TBC1D19: variants seen among roughly 807,000 people sequenced by gnomAD.
The protein encoded by TBC1D19 is TBC1 domain family member 19.
In TBC1D19, 60 loss-of-function variants were observed where a neutral mutation model predicts 89.0. The ratio of observed to expected loss-of-function variants is 0.67; its 90% CI spans 0.55 to 0.84. The LOEUF is 0.84. Ranked by LOEUF, TBC1D19 falls within the 40% of genes least tolerant of loss-of-function variation. The pLI, the probability that TBC1D19 is intolerant of heterozygous loss-of-function variation, is 0.00. For synonymous variants in TBC1D19, 189 were observed against 199.7 expected, an observed-to-expected ratio of 0.95 and a Z score of 0.45; for missense variants, 500 against 610.8, an observed-to-expected ratio of 0.82 and a Z score of 1.91.
intron 1 of TBC1D19, among the ~76,000 whole-genome samples, chr4:26,590,796 G>GTTTTTTTTTT (rs869124166): frequency 0.019 from 986 of 52,834 alleles, 116 homozygotes; most frequent in Middle Eastern, 0.065. Flanking sequence ...TTGCAGGTCT[G>GTTTTTTTTTT]TTTTTTTTTT....
chr4:26,840,119 T>A, the TBC1D19 span, among the ~76,000 whole-genome samples: 1 of 152,030 alleles, frequency 6.6e-6, no homozygotes, highest in South Asian at 2.1e-4. Flanking sequence ...TTATACTCTG[T>A]CGCCCAGGCT....
chr4:26,750,881 A>G (rs1215709678), intron 19 of TBC1D19, among the ~76,000 whole-genome samples: 1 of 152,212 alleles, frequency 6.6e-6, no homozygotes, highest in Admixed American at 6.5e-5. Context: ...CCTTTTTCTG[A>G]TCAAGTGGGT....
At chr4:26,656,815 T>C (rs1744852193) in intron 7 of TBC1D19, among the ~76,000 whole-genome samples, 2 of 152,136 alleles carry the variant, frequency 1.3e-5, no homozygotes, top group South Asian at 4.1e-4. Context: ...TGCCTCGGCC[T>C]CCCAAAGTGC....
chr4:26,586,902 G>A (rs1456480046), intron 1 of TBC1D19, among the ~76,000 whole-genome samples: 1 of 152,092 alleles, frequency 6.6e-6, no homozygotes, highest in African/African-American at 2.4e-5. Context: ...ACTAAAGACA[G>A]TTTTACTTCT....
chr4:26,833,139 A>G, the TBC1D19 span, among the ~76,000 whole-genome samples: 200 of 152,338 alleles, frequency 1.3e-3, no homozygotes, highest in African/African-American at 4.6e-3. Flanking sequence ...GCAGACACAC[A>G]CACAGACAAG....
the TBC1D19 span, among the ~76,000 whole-genome samples, chr4:26,817,429 G>A: frequency 6.6e-6 from 1 of 152,122 alleles, no homozygotes; most frequent in African/African-American, 2.4e-5. Flanking sequence ...GCTGGTTTTG[G>A]ATCCCACCTT....
the TBC1D19 span, among the ~76,000 whole-genome samples, chr4:26,838,372 A>G: frequency 6.6e-6 from 1 of 152,222 alleles, no homozygotes; most frequent in South Asian, 2.1e-4. Flanking sequence ...TTAAAGTTGT[A>G]GACACCAGCT....
At chr4:26,858,532 T>C in the TBC1D19 span, 1 of 152,296 alleles carries the variant, frequency 6.6e-6, no homozygotes, top group Non-Finnish European at 1.5e-5. Flanking sequence ...TGTTTATGTT[T>C]GGCTTGCAAA....
In TBC1D19 at chr4:26,584,098, C is replaced by T; in HGVS notation, c.-96C>T. ...GGAGGAGTCCCAGTGTAATAAGGTC[C>T]CGGAGAAGTGTCACTGGCCCTGAGT... On this transcript the variant is annotated 5_prime_UTR_variant, in exon 1 of 21. Transcript: ENST00000264866. The T allele has an allele frequency of 3.2e-6, 4 of 1,246,806 alleles. No homozygotes were observed. The highest frequency in any genetic ancestry group is 4.6e-6 in the Non-Finnish European group (4 of 874,954). The allele number at this position is 1,246,806 out of a possible 1,614,324, so 77.2% of individuals were successfully genotyped here. A position where few individuals can be genotyped will look rare whatever the true frequency, so the allele number is the denominator to read the frequency against.
intron 13 of TBC1D19, among the ~76,000 whole-genome samples, chr4:26,698,473 A>G (rs1577952032): frequency 6.6e-6 from 1 of 152,330 alleles, no homozygotes; most frequent in African/African-American, 2.4e-5. Context: ...ACCCCCATCA[A>G]GCTACCACTG....
intron 7 of TBC1D19, among the ~76,000 whole-genome samples, chr4:26,645,082 A>G (rs994813970): frequency 2.0e-5 from 3 of 152,222 alleles, no homozygotes; most frequent in Non-Finnish European, 4.4e-5. Flanking sequence ...ATACTGCCCA[A>G]AGTAATTTAT....
the TBC1D19 span, among the ~76,000 whole-genome samples, chr4:26,803,985 A>G: frequency 6.6e-6 from 1 of 151,940 alleles, no homozygotes; most frequent in Admixed American, 6.6e-5. Context: ...TTCAATAGGC[A>G]GGCAAACTCA....
chr4:26,706,004 C>A (rs553022562), intron 13 of TBC1D19, among the ~76,000 whole-genome samples: 7 of 152,210 alleles, frequency 4.6e-5, no homozygotes, highest in African/African-American at 1.7e-4. Context: ...CCTTGGACTC[C>A]TGGCCTCAAG....
the TBC1D19 span, among the ~76,000 whole-genome samples, chr4:26,837,673 T>A: frequency 6.6e-6 from 1 of 152,200 alleles, no homozygotes; most frequent in Non-Finnish European, 1.5e-5. Context: ...ATAACATGAT[T>A]TAGCGATCAT....
At chr4:26,824,335 T>G in the TBC1D19 span, among the ~76,000 whole-genome samples, 1 of 152,244 alleles carries the variant, frequency 6.6e-6, no homozygotes, top group Non-Finnish European at 1.5e-5. Context: ...GCAGCTGGAT[T>G]TTCTGTCATT....
chr4:26,640,208 A>T (rs1743405750), intron 7 of TBC1D19, 21 bp downstream of exon 7: 9 of 1,549,750 alleles, frequency 5.8e-6, no homozygotes, highest in African/African-American at 1.4e-5. Context: ...TTGGATAAAT[A>T]CACATATATT....
intron 18 of TBC1D19, among the ~76,000 whole-genome samples, chr4:26,743,885 A>G (rs1344727249): frequency 1.3e-5 from 2 of 151,652 alleles, no homozygotes; most frequent in Non-Finnish European, 3.0e-5. Flanking sequence ...TACTAGAAAC[A>G]AATATTTTTT....
intron 1 of TBC1D19, among the ~76,000 whole-genome samples, chr4:26,604,262 T>A (rs1480894328): frequency 6.7e-6 from 1 of 148,712 alleles, no homozygotes; most frequent in African/African-American, 2.5e-5. Flanking sequence ...CACGCCATTC[T>A]CCTGCCTCAG....
chr4:26,666,192 C>CT (rs34791406), intron 8 of TBC1D19, 141 bp from the exon 9 acceptor site: 23 of 566,480 alleles, frequency 4.1e-5, no homozygotes, highest in Non-Finnish European at 6.9e-5. Context: ...ATGTCCTTTT[C>CT]TTTTTTAGGT....
Sources: gnomAD v4.1 joint callset for allele counts (sites outside exome capture counted in the v4.1 genomes callset) on GRCh38, gnomAD v4.1.1 for gene constraint, MANE v1.5 for transcripts, NCBI Gene and HGNC (gene_info 2026-07-23, HGNC 2026-07-21) for gene names.